The following DTNA variants were observed in gnomAD, a reference collection of about 807,000 sequenced individuals.
The protein encoded by DTNA is dystrobrevin alpha, also known as dystrophin-related protein 3.
A neutral mutation model predicts 100.7 loss-of-function variants in DTNA; 43 were observed. The observed-to-expected ratio is 0.43, with a 90% confidence interval of 0.33 to 0.55. DTNA has a LOEUF of 0.55. Among genes scored for constraint, DTNA ranks in the 20% least tolerant of loss-of-function variants. DTNA has a pLI of 0.04. For missense variants in DTNA, 798 were observed against 953.9 expected (o/e 0.84, Z 2.15); for synonymous variants, 349 against 347.9 (o/e 1.00, Z -0.04).
intron 6 of DTNA, among the ~76,000 whole-genome samples, chr18:34,815,231 T>TA (rs1242446399): frequency 6.6e-6 from 1 of 152,186 alleles, no homozygotes; most frequent in East Asian, 1.9e-4. Flanking sequence ...ACAGTACATG[T>TA]ATTAATATAG....
chr18:34,515,240 T>C (rs1273146958), intron 1 of DTNA, among the ~76,000 whole-genome samples: 1 of 152,074 alleles, frequency 6.6e-6, no homozygotes, highest in African/African-American at 2.4e-5. Context: ...CAAACTCCCT[T>C]GAGTTTTCTT....
chr18:34,876,662 C>T (rs1603338781), intron 18 of DTNA, among the ~76,000 whole-genome samples: 1 of 152,234 alleles, frequency 6.6e-6, no homozygotes, highest in East Asian at 1.9e-4. Context: ...AAGGTACTCT[C>T]GTCCATGTAG....
chr18:34,863,888 A>T, intron 16 of DTNA, 78 bp from the exon 17 acceptor site: 4 of 1,429,382 alleles, frequency 2.8e-6, no homozygotes, highest in Non-Finnish European at 3.8e-6. Flanking sequence ...CTGACAGTCC[A>T]CAAGTCCCTC....
chr18:34,544,594 T>A (rs540484352), intron 1 of DTNA, among the ~76,000 whole-genome samples: 2 of 152,220 alleles, frequency 1.3e-5, no homozygotes, highest in Non-Finnish European at 2.9e-5. Flanking sequence ...TAAATTAGAG[T>A]ACATATATTT....
Position 34,829,497 on chromosome 18 carries a change from TC to T in DTNA, c.1175+11del. The T allele has an allele frequency of 6.6e-7, 1 of 1,509,142 alleles. No homozygotes were observed. The highest frequency in any genetic ancestry group is 8.9e-7 in the Non-Finnish European group (1 of 1,128,436). 93.5% of individuals were successfully genotyped at this position (1,509,142 alleles called of 1,614,324 possible). On this transcript the variant is annotated intron_variant, in intron 11 of 22. Transcript: ENST00000444659. ...GCTTGATCACGGTGCACGGTCAGTA[TC>T]CCAGCCCTGAATTGCTAATCGTAGT...
intron 1 of DTNA, among the ~76,000 whole-genome samples, chr18:34,710,827 G>A (rs1451576949): frequency 2.0e-5 from 3 of 151,854 alleles, no homozygotes; most frequent in African/African-American, 4.8e-5. Context: ...TTTTCTTAGA[G>A]GACACCTTAT....
At chr18:34,864,533 G>A (rs111331236) in intron 17 of DTNA, among the ~76,000 whole-genome samples, 1 of 151,594 alleles carries the variant, frequency 6.6e-6, no homozygotes, top group African/African-American at 2.4e-5. Context: ...GATTACAGGC[G>A]TGAGCCACCG....
At chr18:34,733,209 C>T (rs1029947455) in intron 1 of DTNA, among the ~76,000 whole-genome samples, 2 of 152,062 alleles carry the variant, frequency 1.3e-5, no homozygotes, top group South Asian at 2.1e-4. Context: ...CAAAAGGAGC[C>T]AGCCTCCCCT....
intron 1 of DTNA, among the ~76,000 whole-genome samples, chr18:34,647,305 C>T (rs2143586303): frequency 6.6e-6 from 1 of 152,222 alleles, no homozygotes; most frequent in Non-Finnish European, 1.5e-5. Context: ...GGTGGCTTTC[C>T]TCTATGTGAT....
chr18:34,676,739 A>G (rs2145313840), intron 1 of DTNA, among the ~76,000 whole-genome samples: 1 of 152,186 alleles, frequency 6.6e-6, no homozygotes, highest in East Asian at 1.9e-4. Context: ...GGAGGTTGAG[A>G]TGGGAAGATT....
chr18:34,565,194 G>A (rs908509628), intron 1 of DTNA, among the ~76,000 whole-genome samples: 14 of 152,126 alleles, frequency 9.2e-5, no homozygotes, highest in Non-Finnish European at 1.3e-4. Context: ...GTAGATTTAT[G>A]CTATTTCTCT....
At chr18:34,533,619 C>T (rs989084332) in intron 1 of DTNA, among the ~76,000 whole-genome samples, 19 of 151,920 alleles carry the variant, frequency 1.3e-4, no homozygotes, top group Non-Finnish European at 1.5e-4. Flanking sequence ...TTATTTGCAG[C>T]GCATGTTTTC....
intron 1 of DTNA, among the ~76,000 whole-genome samples, chr18:34,560,391 G>C (rs2046527539): frequency 6.6e-6 from 1 of 152,122 alleles, no homozygotes; most frequent in Non-Finnish European, 1.5e-5. Flanking sequence ...TAAGTAATGA[G>C]AAAGTTACAA....
intron 1 of DTNA, among the ~76,000 whole-genome samples, chr18:34,688,574 A>C (rs745598277): frequency 6.6e-6 from 1 of 151,594 alleles, no homozygotes; most frequent in Admixed American, 6.6e-5. Context: ...TGCCCTTAAC[A>C]TTTTTTCCTT....
chr18:34,659,198 A>C (rs778915228), intron 1 of DTNA, among the ~76,000 whole-genome samples: 1 of 152,344 alleles, frequency 6.6e-6, no homozygotes, highest in South Asian at 2.1e-4. Flanking sequence ...CACATATGTA[A>C]TTATAAATTT....
At chr18:34,807,407 C>T (rs2095387916) in intron 5 of DTNA, among the ~76,000 whole-genome samples, 1 of 152,116 alleles carries the variant, frequency 6.6e-6, no homozygotes, top group Non-Finnish European at 1.5e-5. Context: ...TTGTAAGATA[C>T]CCATAGAATC....
chr18:34,780,570 T>C (rs144677850), intron 3 of DTNA, among the ~76,000 whole-genome samples: 384 of 152,338 alleles, frequency 2.5e-3, no homozygotes, highest in African/African-American at 8.9e-3. Flanking sequence ...AATGATATTA[T>C]ATTGTGGAGA....
chr18:34,611,958 G>C (rs1440598795), intron 1 of DTNA, among the ~76,000 whole-genome samples: 2 of 152,208 alleles, frequency 1.3e-5, no homozygotes. Flanking sequence ...GTTTCACGGG[G>C]CTCATTGATG....
intron 1 of DTNA, among the ~76,000 whole-genome samples, chr18:34,672,810 A>G (rs371855243): frequency 6.6e-6 from 1 of 152,182 alleles, no homozygotes. Flanking sequence ...GTATGTATAT[A>G]TATGCACAAA....
Sources: allele counts gnomAD v4.1 joint callset (sites outside exome capture counted in the v4.1 genomes callset), GRCh38; gene constraint gnomAD v4.1.1; transcripts MANE v1.5; gene names NCBI Gene and HGNC (gene_info 2026-07-23, HGNC 2026-07-21).